Variants in MIGA1 observed in about 807,000 individuals in gnomAD.
MIGA1 encodes mitoguardin 1, also known as family with sequence similarity 73, member A.
In MIGA1, 58 loss-of-function variants were observed where a neutral mutation model predicts 82.0. That is an observed-to-expected ratio of 0.71 (90% confidence interval 0.57 to 0.88). The LOEUF (loss-of-function observed/expected upper bound fraction) is 0.88, where lower values mean the gene tolerates loss of function less well. Ranked by LOEUF, MIGA1 falls within the 40% of genes least tolerant of loss-of-function variation. The pLI, the probability that MIGA1 is intolerant of heterozygous loss-of-function variation, is 0.00. For synonymous variants in MIGA1, 249 were observed against 253.6 expected (o/e 0.98, Z 0.17); for missense variants, 751 against 749.1 (o/e 1.00, Z -0.03).
intron 2 of MIGA1, among the ~76,000 whole-genome samples, chr1:77,790,475 C>T (rs1280014963): frequency 4.6e-5 from 7 of 152,040 alleles, no homozygotes; most frequent in Non-Finnish European, 8.8e-5. Context: ...ACCATGTTAG[C>T]CAGGATGGTC....
At chr1:77,821,240 T>C (rs905078387) in intron 7 of MIGA1, among the ~76,000 whole-genome samples, 5 of 152,186 alleles carry the variant, frequency 3.3e-5, no homozygotes, top group Non-Finnish European at 7.3e-5. Context: ...AAGTTCTTTG[T>C]TATTGTTAGT....
At chr1:77,869,838 G>A (rs1227371180) in intron 14 of MIGA1, among the ~76,000 whole-genome samples, 3 of 106,970 alleles carry the variant, frequency 2.8e-5, no homozygotes, top group Admixed American at 8.3e-5. Flanking sequence ...CTCACCTCCC[G>A]GACGGGGCGG....
intron 2 of MIGA1, among the ~76,000 whole-genome samples, chr1:77,799,163 A>AT (rs1682775141): frequency 1.3e-5 from 2 of 152,128 alleles, no homozygotes; most frequent in South Asian, 2.1e-4. Flanking sequence ...CTATAGTTTT[A>AT]TTTTTTGTGA....
In MIGA1 at chr1:77,850,035, A is replaced by T. The variant is rs527990249; in HGVS notation, c.996+6628A>T. 4.5e-3 allele frequency among the ~76,000 whole-genome samples: 500 copies of T among 110,686 alleles called. 3 individuals are homozygous for T. The highest frequency in any genetic ancestry group is 0.016 in the African/African-American group (446 of 28,450). The allele number at this position is 110,686 out of a possible 152,430, so 72.6% of individuals were successfully genotyped here. A position where few individuals can be genotyped will look rare whatever the true frequency, so the allele number is the denominator to read the frequency against. On this transcript the variant is annotated intron_variant, in intron 8 of 15. Transcript: ENST00000370791. ...GGGCAACAGAGTGAGACTCTCTCTC[A>T]AAAAAAAAAAAAAAAAAGTATGAAG...
chr1:77,815,279 T>A, intron 7 of MIGA1, 48 bp downstream of exon 7: 1 of 1,441,742 alleles, frequency 6.9e-7, no homozygotes. Flanking sequence ...TACTTTTCTT[T>A]TATATCCTTG....
At chr1:77,793,601 A>T (rs1682523013) in intron 2 of MIGA1, among the ~76,000 whole-genome samples, 1 of 150,598 alleles carries the variant, frequency 6.6e-6, no homozygotes, top group South Asian at 2.1e-4. Context: ...CTGGGACTAC[A>T]GGCATGCGCC....
chr1:77,833,062 C>T (rs1047256661), intron 7 of MIGA1, among the ~76,000 whole-genome samples: 2 of 152,180 alleles, frequency 1.3e-5, no homozygotes, highest in African/African-American at 4.8e-5. Context: ...CCAGATAGAA[C>T]ATTTAGAAAT....
At chr1:77,820,672 G>A (rs1047538431) in intron 7 of MIGA1, among the ~76,000 whole-genome samples, 4 of 151,992 alleles carry the variant, frequency 2.6e-5, no homozygotes, top group African/African-American at 9.7e-5. Context: ...ATTTCAAGAC[G>A]TTCTTTAAAA....
Position 77,779,651 on chromosome 1 carries a change from T to C in MIGA1, c.-5T>C, listed in dbSNP as rs1325857696. The stretch of plus-strand genomic sequence containing the variant: ...TCCTGACCCCGGAAGGACTCCGCCT[T>C]CTCCATGTCAGACTGCTGCTCAGCG... On this transcript the variant is annotated 5_prime_UTR_variant, in exon 1 of 16. Coordinates refer to ENST00000370791, the MANE Select transcript of MIGA1 (RefSeq NM_198549.4). 2.5e-6 allele frequency: 4 copies of C among 1,575,270 alleles called. No homozygotes were observed. The highest frequency in any genetic ancestry group is 3.4e-6 in the Non-Finnish European group (4 of 1,160,188).
intron 2 of MIGA1, among the ~76,000 whole-genome samples, chr1:77,790,892 G>A (rs1307048085): frequency 1.3e-5 from 2 of 151,992 alleles, no homozygotes; most frequent in East Asian, 1.9e-4. Context: ...CTGGCCCCTC[G>A]CACCATTCCT....
intron 6 of MIGA1, 24 bp from the exon 7 acceptor site, chr1:77,815,083 CT>C (rs762560460): frequency 4.2e-6 from 6 of 1,431,486 alleles, no homozygotes; most frequent in Non-Finnish European, 5.6e-6. Flanking sequence ...TTAATTTGTT[CT>C]GTGTACTTTT....
At chr1:77,845,855 C>G (rs1684817803) in intron 8 of MIGA1, among the ~76,000 whole-genome samples, 1 of 151,326 alleles carries the variant, frequency 6.6e-6, no homozygotes, top group African/African-American at 2.4e-5. Context: ...ATCGGTTTTT[C>G]TATAAGCTAG....
chr1:77,818,112 C>T lies in MIGA1; in HGVS notation c.895+2881C>T, dbSNP rs547569388. 2.3e-3 allele frequency among the ~76,000 whole-genome samples: 354 copies of T among 151,214 alleles called. 2 individuals are homozygous for T. Among genetic ancestry groups the T allele is most frequent in the Non-Finnish European group, 3.7e-3 (248 of 67,810 alleles). ...CTAGGACTACAGGTGTGTGCCACCA[C>T]GTCCTGCTAATTTTTTTTTTTTTTT... On this transcript the variant is annotated intron_variant, in intron 7 of 15. Coordinates refer to ENST00000370791, the MANE Select transcript of MIGA1 (RefSeq NM_198549.4).
chr1:77,871,956 C>G (rs113434395), intron 14 of MIGA1, among the ~76,000 whole-genome samples: 3 of 151,852 alleles, frequency 2.0e-5, no homozygotes, highest in African/African-American at 7.3e-5. Context: ...TGCTTCGTTG[C>G]AAAGCTAATA....
intron 7 of MIGA1, among the ~76,000 whole-genome samples, chr1:77,840,406 A>G (rs1422794622): frequency 1.3e-5 from 2 of 152,220 alleles, no homozygotes; most frequent in Non-Finnish European, 2.9e-5. Flanking sequence ...AACATCAGAC[A>G]TGGGTAATGT....
chr1:77,798,207 A>G (rs540281780), intron 2 of MIGA1, among the ~76,000 whole-genome samples: 1 of 152,348 alleles, frequency 6.6e-6, no homozygotes, highest in South Asian at 2.1e-4. Context: ...CTGAAATCAC[A>G]GTGTAGCAGA....
chr1:77,845,657 T>C (rs1208307401), intron 8 of MIGA1, among the ~76,000 whole-genome samples: 1 of 152,186 alleles, frequency 6.6e-6, no homozygotes, highest in Non-Finnish European at 1.5e-5. Flanking sequence ...GAAATGTTTG[T>C]TAAATTATTT....
intron 4 of MIGA1, among the ~76,000 whole-genome samples, chr1:77,805,459 T>C (rs1027002572): frequency 4.4e-5 from 3 of 68,932 alleles, no homozygotes; most frequent in African/African-American, 1.6e-4. Flanking sequence ...AATATGCCTA[T>C]TCTTTTTTTT....
intron 2 of MIGA1, among the ~76,000 whole-genome samples, chr1:77,798,323 C>T (rs1355753998): frequency 6.6e-6 from 1 of 152,124 alleles, no homozygotes; most frequent in East Asian, 1.9e-4. Context: ...AGTCAGTTCT[C>T]ACTCTGCTGA....
Sources: allele counts gnomAD v4.1 joint callset (sites outside exome capture counted in the v4.1 genomes callset), GRCh38; gene constraint gnomAD v4.1.1; transcripts MANE v1.5; gene names NCBI Gene and HGNC (gene_info 2026-07-23, HGNC 2026-07-21).